XKR4: variants seen among roughly 807,000 people sequenced by gnomAD.
XKR4 encodes XK related 4.
In XKR4, 12 loss-of-function variants were observed where a neutral mutation model predicts 53.9. The ratio of observed to expected loss-of-function variants is 0.22; its 90% CI spans 0.14 to 0.36. XKR4 has a LOEUF of 0.36. XKR4 is among the 10% of genes least tolerant of loss of function. The probability of loss-of-function intolerance (pLI) is 1.00; values close to 1 mark genes in which losing one functional copy is unlikely to be tolerated. For synonymous variants in XKR4, 354 were observed against 362.4 expected, an observed-to-expected ratio of 0.98 and a Z score of 0.26; for missense variants, 799 against 859.5, an observed-to-expected ratio of 0.93 and a Z score of 0.88.
Position 55,518,672 on chromosome 8 carries a change from GAC to G in XKR4, c.1007-4603_1007-4602del, listed in dbSNP as rs1402492189. ...CGTGGGGTTTCAGGTCTCACAGTCA[GAC>G]ACACAGTTCTGGGGCTCAGAAAGGC... On this transcript the variant is annotated intron_variant, in intron 2 of 2. Coordinates refer to ENST00000327381, the MANE Select transcript of XKR4 (RefSeq NM_052898.2). Among the ~76,000 whole-genome samples the G allele has an allele frequency of 5.3e-5, 8 of 152,184 alleles. No individual in the cohort carries two copies. In the East Asian group the frequency reaches 5.8e-4, roughly 11 times the overall value.
At chr8:55,241,524 G>T (rs991494359) in intron 1 of XKR4, among the ~76,000 whole-genome samples, 1 of 152,150 alleles carries the variant, frequency 6.6e-6, no homozygotes, top group Non-Finnish European at 1.5e-5. Flanking sequence ...AGTAAGTGAT[G>T]CAAGGAGCCT....
chr8:55,132,760 G>A (rs761854396), intron 1 of XKR4, among the ~76,000 whole-genome samples: 3 of 152,196 alleles, frequency 2.0e-5, no homozygotes, highest in Non-Finnish European at 4.4e-5. Flanking sequence ...GAAAGCCTGG[G>A]TGTAAAGGAG....
chr8:55,212,881 G>T (rs1262821515), intron 1 of XKR4, among the ~76,000 whole-genome samples: 2 of 152,044 alleles, frequency 1.3e-5, no homozygotes, highest in Admixed American at 1.3e-4. Flanking sequence ...AAGAGTATAG[G>T]AATTATTTTA....
chr8:55,230,682 A>C (rs1818023493), intron 1 of XKR4, among the ~76,000 whole-genome samples: 1 of 152,156 alleles, frequency 6.6e-6, no homozygotes, highest in Non-Finnish European at 1.5e-5. Flanking sequence ...GAGACATTTT[A>C]ATCTTGAAAA....
rs560248318 is a variant in XKR4, at chr8:55,153,296, AT to A, written c.806+50007del. On this transcript the variant is annotated intron_variant, in intron 1 of 2. Transcript: ENST00000327381. ...CTGGAGCAAACATCAAAAAATAGAC[AT>A]TTTTGGTGTTTTTACCTTCTAGTTT... Among the ~76,000 whole-genome samples the A allele has an allele frequency of 4.9e-3, 750 of 152,334 alleles. 5 individuals are homozygous for A. The highest frequency in any genetic ancestry group is 7.7e-3 in the Non-Finnish European group (522 of 68,020).
intron 1 of XKR4, among the ~76,000 whole-genome samples, chr8:55,138,736 G>A (rs751452698): frequency 2.0e-5 from 3 of 152,212 alleles, no homozygotes; most frequent in Non-Finnish European, 4.4e-5. Flanking sequence ...AAGGGAAGGT[G>A]ATAGAGTTTC....
At chr8:55,206,032 T>G (rs969871232) in intron 1 of XKR4, among the ~76,000 whole-genome samples, 1 of 152,194 alleles carries the variant, frequency 6.6e-6, no homozygotes, top group Non-Finnish European at 1.5e-5. Context: ...CTGGAGTTGT[T>G]TGTTCCTACC....
chr8:55,356,627 A>G (rs1393015454), intron 1 of XKR4, among the ~76,000 whole-genome samples: 2 of 152,172 alleles, frequency 1.3e-5, no homozygotes, highest in African/African-American at 2.4e-5. Context: ...ATTGGTTTTA[A>G]AATTATTTTA....
chr8:55,350,822 C>A (rs978113673), intron 1 of XKR4, among the ~76,000 whole-genome samples: 8 of 150,670 alleles, frequency 5.3e-5, no homozygotes, highest in African/African-American at 2.0e-4. Context: ...TCACTGCAAC[C>A]TCTGCCTCCC....
intron 2 of XKR4, among the ~76,000 whole-genome samples, chr8:55,500,266 T>G (rs1307145116): frequency 1.3e-5 from 2 of 151,904 alleles, no homozygotes; most frequent in East Asian, 1.9e-4. Context: ...GAATTCCCCT[T>G]GTTTTCCTGG....
Position 55,538,689 on chromosome 8 carries a change from C to A in XKR4, c.*14462C>A, listed in dbSNP as rs1170813999. 6.6e-6 allele frequency: 1 copy of A among 152,148 alleles called. No homozygotes were observed. Among genetic ancestry groups the A allele is most frequent in the Non-Finnish European group, 1.5e-5 (1 of 68,036 alleles). 9.4% of individuals were successfully genotyped at this position (152,148 alleles called of 1,614,324 possible). A position where few individuals can be genotyped will look rare whatever the true frequency, so the allele number is the denominator to read the frequency against. Reference sequence around the variant, plus strand: ...GCCTGAGGGGTTTGCATGCCTGATCCCAAGCTGCATTTTTTCAGAATGCGT... The same window carrying A: ...GCCTGAGGGGTTTGCATGCCTGATCACAAGCTGCATTTTTTCAGAATGCGT... On this transcript the variant is annotated 3_prime_UTR_variant, in exon 3 of 3. Coordinates refer to ENST00000327381, the MANE Select transcript of XKR4 (RefSeq NM_052898.2).
intron 1 of XKR4, among the ~76,000 whole-genome samples, chr8:55,219,584 C>G (rs1053420418): frequency 1.3e-5 from 2 of 152,160 alleles, no homozygotes; most frequent in Non-Finnish European, 2.9e-5. Context: ...ATGATATGCT[C>G]TCTTCAGTCA....
At position 55,416,241 on chromosome 8, in the gene XKR4, A is replaced by T. The variant is rs930586227; in HGVS notation, c.1006+58364A>T. Among the ~76,000 whole-genome samples the T allele has an allele frequency of 2.0e-5, 3 of 152,224 alleles. No individual in the cohort carries two copies. In the East Asian group the frequency reaches 5.8e-4, roughly 29 times the overall value. On this transcript the variant is annotated intron_variant, in intron 2 of 2. Transcript: ENST00000327381. Reference sequence around the variant, plus strand: ...AATAAAGCTACAGAGTATGGAAAAGAGAAAGCTCTGAGGCTTCTAACTTGG... The same window carrying T: ...AATAAAGCTACAGAGTATGGAAAAGTGAAAGCTCTGAGGCTTCTAACTTGG...
At position 55,259,793 on chromosome 8, in the gene XKR4, T is replaced by C. The variant is rs1818492946; in HGVS notation, c.807-97885T>C. Among the ~76,000 whole-genome samples the C allele has an allele frequency of 3.3e-5, 5 of 152,322 alleles. No homozygotes were observed. In the South Asian group the frequency reaches 1.0e-3, roughly 32 times the overall value. ...CTGAATCCTAACAGACTTTATTACA[T>C]TTAGAAATGGGAAATTCTAATTAAA... On this transcript the variant is annotated intron_variant, in intron 1 of 2. Transcript: ENST00000327381.
intron 2 of XKR4, among the ~76,000 whole-genome samples, chr8:55,516,495 G>A (rs1338753148): frequency 1.3e-5 from 2 of 152,160 alleles, no homozygotes; most frequent in Non-Finnish European, 2.9e-5. Flanking sequence ...CAACAGAAAG[G>A]ACGAAGAAAT....
chr8:55,351,942 A>G (rs973562460), intron 1 of XKR4, among the ~76,000 whole-genome samples: 2 of 152,218 alleles, frequency 1.3e-5, no homozygotes, highest in African/African-American at 2.4e-5. Context: ...TGTGTTCAAT[A>G]CATACTCATT....
At chr8:55,441,662 G>T (rs1440427596) in intron 2 of XKR4, among the ~76,000 whole-genome samples, 1 of 151,890 alleles carries the variant, frequency 6.6e-6, no homozygotes, top group Non-Finnish European at 1.5e-5. Context: ...ACATTTCTTT[G>T]ACTACAACAT....
intron 1 of XKR4, among the ~76,000 whole-genome samples, chr8:55,139,512 C>CAAAGAAAAAAAAAAA (rs1816673697): frequency 8.7e-6 from 1 of 114,490 alleles, no homozygotes; most frequent in East Asian, 2.4e-4. Flanking sequence ...GACTCCGTCT[C>CAAAGAAAAAAAAAAA]AAAAAAAAAA....
At chr8:55,223,609 C>T (rs1817913512) in intron 1 of XKR4, among the ~76,000 whole-genome samples, 1 of 152,162 alleles carries the variant, frequency 6.6e-6, no homozygotes, top group African/African-American at 2.4e-5. Context: ...TGAAATTCCT[C>T]TAAATGTTTG....
Sources: allele counts gnomAD v4.1 joint callset (sites outside exome capture counted in the v4.1 genomes callset), GRCh38; gene constraint gnomAD v4.1.1; transcripts MANE v1.5; gene names NCBI Gene and HGNC (gene_info 2026-07-23, HGNC 2026-07-21).